TERB1: variants seen among roughly 807,000 people sequenced by gnomAD.
TERB1 encodes the protein telomere repeats-binding bouquet formation protein 1.
In TERB1, 63 loss-of-function variants were observed where a neutral mutation model predicts 92.3. That is an observed-to-expected ratio of 0.68 (90% CI 0.56 to 0.84). TERB1 has a LOEUF of 0.84. Among genes scored for constraint, TERB1 ranks in the 40% least tolerant of loss-of-function variants. TERB1 has a pLI of 0.00. For missense variants in TERB1, 709 were observed against 843.7 expected, an observed-to-expected ratio of 0.84 and a Z score of 1.98; for synonymous variants, 252 against 283.9, an observed-to-expected ratio of 0.89 and a Z score of 1.13.
chr16:66,768,222 G>A (rs948281750), intron 14 of TERB1, 54 bp from the exon 15 acceptor site: 22 of 1,309,132 alleles, frequency 1.7e-5, no homozygotes, highest in African/African-American at 3.0e-5. Flanking sequence ...TTTGGTGTGC[G>A]GACCAATGTT....
chr16:66,759,113 A>C (rs1277034061), intron 17 of TERB1, 28 bp downstream of exon 17: 3 of 1,495,692 alleles, frequency 2.0e-6, no homozygotes, highest in Non-Finnish European at 2.7e-6. Flanking sequence ...AGCCATAATT[A>C]CAATTTTAAA....
intron 12 of TERB1, among the ~76,000 whole-genome samples, chr16:66,773,099 C>T (rs1419610248): frequency 1.3e-5 from 2 of 149,902 alleles, no homozygotes; most frequent in Non-Finnish European, 3.0e-5. Context: ...GATGCCGAGG[C>T]GGGAGGATCA....
intron 9 of TERB1, among the ~76,000 whole-genome samples, chr16:66,783,282 G>C (rs1159267899): frequency 6.6e-6 from 1 of 152,140 alleles, no homozygotes; most frequent in Non-Finnish European, 1.5e-5. Flanking sequence ...TTTACCATGA[G>C]TTTACAGATG....
intron 9 of TERB1, among the ~76,000 whole-genome samples, chr16:66,781,068 C>CA (rs758350097): frequency 3.3e-5 from 5 of 152,036 alleles, no homozygotes; most frequent in Non-Finnish European, 5.9e-5. Context: ...TTTCCTGAGA[C>CA]AAAGTCTTGT....
chr16:66,788,463 C>G (rs914390690), intron 5 of TERB1, among the ~76,000 whole-genome samples, 166 bp from the exon 6 acceptor site: 33 of 152,126 alleles, frequency 2.2e-4, no homozygotes, highest in African/African-American at 7.7e-4. Context: ...CTGATATGCG[C>G]TTACTCAATT....
In TERB1 at chr16:66,791,027, AC is replaced by A; in HGVS notation, c.32-9del. The A allele has an allele frequency of 7.0e-7, 1 of 1,435,872 alleles. No individual in the cohort carries two copies. The highest frequency in any genetic ancestry group is 9.4e-7 in the Non-Finnish European group (1 of 1,059,350). The allele number at this position is 1,435,872 out of a possible 1,614,324, so 88.9% of individuals were successfully genotyped here. A position where few individuals can be genotyped will look rare whatever the true frequency, so the allele number is the denominator to read the frequency against. ...TCAGGTCAGTCTTCATTTCTAAAGA[AC>A]AAAAATGTCATTATTTTAAACCAAA... On this transcript the variant is annotated splice_polypyrimidine_tract_variant and intron_variant, in intron 3 of 18. Transcript: ENST00000433154.
intron 16 of TERB1, 29 bp downstream of exon 16, chr16:66,767,386 G>A: frequency 8.0e-7 from 1 of 1,256,970 alleles, no homozygotes; most frequent in Non-Finnish European, 1.1e-6. Flanking sequence ...CTTTGACTGT[G>A]AAACAACTGC....
At chr16:66,762,743 G>A (rs1433507245) in intron 16 of TERB1, among the ~76,000 whole-genome samples, 1 of 151,366 alleles carries the variant, frequency 6.6e-6, no homozygotes, top group Non-Finnish European at 1.5e-5. Context: ...GAGTGCAGTG[G>A]CATGATCTCA....
chr16:66,783,399 T>C (rs577251250), intron 9 of TERB1, among the ~76,000 whole-genome samples: 4 of 152,338 alleles, frequency 2.6e-5, no homozygotes, highest in Admixed American at 2.6e-4. Flanking sequence ...AAACCAGTCT[T>C]GCATTCCTGG....
At chr16:66,782,835 T>C (rs1273374306) in intron 9 of TERB1, among the ~76,000 whole-genome samples, 3 of 152,120 alleles carry the variant, frequency 2.0e-5, no homozygotes, top group Non-Finnish European at 4.4e-5. Context: ...ATCCAGAGTA[T>C]TATATATCTT....
chr16:66,757,529 A>G (rs1345256086), intron 18 of TERB1, among the ~76,000 whole-genome samples: 1 of 152,232 alleles, frequency 6.6e-6, no homozygotes, highest in East Asian at 1.9e-4. Flanking sequence ...AGAAAACATT[A>G]CTTCAGAAAG....
chr16:66,796,864 A>G, intron 2 of TERB1, 34 bp from the exon 3 acceptor site: 2 of 1,119,924 alleles, frequency 1.8e-6, no homozygotes, highest in South Asian at 2.8e-5. Flanking sequence ...AATTTAAATC[A>G]ATGTTTGAGA....
chr16:66,757,616 T>C (rs938898223), intron 18 of TERB1, among the ~76,000 whole-genome samples: 21 of 152,168 alleles, frequency 1.4e-4, no homozygotes, highest in Non-Finnish European at 2.6e-4. Context: ...GACTCAGATA[T>C]AAAAATCAAA....
In TERB1 at chr16:66,792,879, A is replaced by G. The variant is rs551370952; in HGVS notation, c.32-1860T>C. ...TAATACAGATTTTTTTTTAGAAGAT[A>G]TATCCAGAAGCTGATATGGGTGCAT... On this transcript the variant is annotated intron_variant, in intron 3 of 18. Transcript: ENST00000433154. Among the ~76,000 whole-genome samples the G allele has an allele frequency of 1.1e-3, 172 of 152,266 alleles. 2 individuals carry two copies. The highest frequency in any genetic ancestry group is 4.8e-3 in the South Asian group (23 of 4,824).
At chr16:66,777,577 A>T (rs2145163404) in intron 10 of TERB1, among the ~76,000 whole-genome samples, 2 of 152,314 alleles carry the variant, frequency 1.3e-5, no homozygotes, top group South Asian at 4.1e-4. Context: ...CATACTAAAG[A>T]CATATTACTA....
intron 10 of TERB1, among the ~76,000 whole-genome samples, chr16:66,778,199 T>C (rs1204982809): frequency 6.6e-6 from 1 of 152,200 alleles, no homozygotes; most frequent in African/African-American, 2.4e-5. Flanking sequence ...GATGTATTCT[T>C]TACATAAATT....
At position 66,785,898 on chromosome 16, in the gene TERB1, T is replaced by C; in HGVS notation, c.588A>G (p.Gln196=). ...GTGGAAAAAGGGAACAGCAAAACAT[T>C]TGATTCTCATCTGAAAGAAGACAAA... ...CVNNPQNDEN[Q]MFCCSLFPHA... Residue 196 remains glutamine, a synonymous_variant, in exon 9 of 19, where the codon CAA becomes CAG. Transcript: ENST00000433154. 5 of 1,543,878 alleles carry C rather than the reference T, an allele frequency of 3.2e-6. No homozygotes were observed. The highest frequency in any genetic ancestry group is 1.2e-5 in the South Asian group (1 of 81,742).
chr16:66,770,067 G>C lies in TERB1; in HGVS notation c.1515C>G (p.Tyr505Ter). Residue 505 changes from tyrosine (Y) to a stop codon, truncating the protein, a stop_gained, in exon 14 of 19, where the codon TAC (tyrosine) becomes TAG (stop). Coordinates refer to ENST00000433154, the MANE Select transcript of TERB1 (RefSeq NM_001136505.2). LOFTEE classifies it high-confidence loss of function. Reference sequence around the variant, plus strand: ...AAGTCTTATTTTGCTCACTCTCCCTGTAACAAGCATGGACTGGATTTGCGC... The same window carrying C: ...AAGTCTTATTTTGCTCACTCTCCCTCTAACAAGCATGGACTGGATTTGCGC... ...LKSANPVHAC[Y>*]RESEQNKTLY... The C allele has an allele frequency of 6.4e-7, 1 of 1,551,858 alleles. No individual in the cohort carries two copies. Among genetic ancestry groups the C allele is most frequent in the Non-Finnish European group, 8.7e-7 (1 of 1,147,014 alleles).
At chr16:66,760,092 C>A (rs1400448271) in intron 16 of TERB1, among the ~76,000 whole-genome samples, 1 of 107,224 alleles carries the variant, frequency 9.3e-6, no homozygotes, top group Non-Finnish European at 1.7e-5. Context: ...GAGATCACGA[C>A]TGCACTCCAA....
Sources: allele counts gnomAD v4.1 joint callset (sites outside exome capture counted in the v4.1 genomes callset), GRCh38; gene constraint gnomAD v4.1.1; transcripts MANE v1.5; gene names NCBI Gene and HGNC (gene_info 2026-07-23, HGNC 2026-07-21).